The following ABCC11 variants were observed in gnomAD, a reference collection of about 807,000 sequenced individuals.
ABCC11 encodes ATP-binding cassette sub-family C member 11.
Under a neutral mutation model 149.3 loss-of-function variants are expected in ABCC11, and 135 were observed. That is an observed-to-expected ratio of 0.90 (90% CI 0.79 to 1.04). The LOEUF (loss-of-function observed/expected upper bound fraction) is 1.04, where lower values mean the gene tolerates loss of function less well. ABCC11 is among the 50% of genes least tolerant of loss of function. ABCC11 has a pLI of 0.00. For missense variants in ABCC11, 1,680 were observed against 1,722.1 expected, an observed-to-expected ratio of 0.98 and a Z score of 0.43; for synonymous variants, 665 against 671.4, an observed-to-expected ratio of 0.99 and a Z score of 0.15.
chr16:48,196,032 T>C (rs537895251), intron 18 of ABCC11, among the ~76,000 whole-genome samples, 200 bp downstream of exon 18: 2 of 152,254 alleles, frequency 1.3e-5, no homozygotes, highest in Admixed American at 1.3e-4. Flanking sequence ...TGAGTATACA[T>C]GAAAATATAA....
chr16:48,215,133 G>A, intron 8 of ABCC11, 64 bp downstream of exon 8: 2 of 1,590,770 alleles, frequency 1.3e-6, no homozygotes, highest in South Asian at 2.3e-5. Context: ...TCCTCAAGAG[G>A]TGAGAGGGGC....
intron 23 of ABCC11, 98 bp from the exon 24 acceptor site, chr16:48,178,784 T>C: frequency 9.6e-7 from 1 of 1,037,450 alleles, no homozygotes; most frequent in South Asian, 1.4e-5. Flanking sequence ...TGCCCCTGAG[T>C]GACCCCTGAA....
intron 6 of ABCC11, among the ~76,000 whole-genome samples, chr16:48,220,032 C>T (rs750387601): frequency 2.0e-5 from 3 of 152,108 alleles, no homozygotes; most frequent in Non-Finnish European, 4.4e-5. Context: ...AAGCAACTGC[C>T]TAGAAATCCT....
Position 48,178,609 on chromosome 16 carries a change from C to G in ABCC11, c.3336G>C (p.Leu1112=). The G allele has an allele frequency of 6.2e-7, 1 of 1,614,088 alleles. No homozygotes were observed. The highest frequency in any genetic ancestry group is 8.5e-7 in the Non-Finnish European group (1 of 1,179,996). ...ACCTGAACCCCACCTTCATGTACTG[C>G]AGTATCCTCTCTACAGCCGTGAACT... is the stretch of plus-strand genomic sequence containing the variant. ...EAQFTAVERI[L]QYMKMCVSEA... The change falls in exon 24 of 30, where the codon CTG becomes CTC. Residue 1112 remains leucine, a synonymous_variant. Transcript: ENST00000356608.
chr16:48,214,679 C>T (rs892530187), intron 9 of ABCC11, among the ~76,000 whole-genome samples: 6 of 152,212 alleles, frequency 3.9e-5, no homozygotes, highest in African/African-American at 9.7e-5. Context: ...CTGTCCAGCC[C>T]GCCCACAGGG....
chr16:48,173,708 TCCAC>T (rs1369126370), intron 26 of ABCC11, among the ~76,000 whole-genome samples: 1 of 152,162 alleles, frequency 6.6e-6, no homozygotes, highest in African/African-American at 2.4e-5. Flanking sequence ...CACTGCAACC[TCCAC>T]CTCCCGGGCT....
rs962934195 is a variant in ABCC11 at position 48,192,459 on chromosome 16, A to G, written c.2706+61T>C. On this transcript the variant is annotated intron_variant, in intron 20 of 29. Coordinates refer to ENST00000356608, the MANE Select transcript of ABCC11 (RefSeq NM_001370497.1). ...AAAAAATAAAAAAATAAAAAAATAA[A>G]AATGAAGCTGGGCAAGTTCAGAGCT... 12 of 1,539,152 alleles carry G rather than the reference A, an allele frequency of 7.8e-6. No individual in the cohort carries two copies. In the Admixed American group the frequency reaches 2.2e-4, roughly 29 times the overall value.
intron 25 of ABCC11, among the ~76,000 whole-genome samples, chr16:48,176,532 C>T (rs1412412847): frequency 6.6e-6 from 1 of 152,092 alleles, no homozygotes; most frequent in Admixed American, 6.5e-5. Context: ...TTCATCCTGG[C>T]AGTGCCCTGC....
intron 12 of ABCC11, 73 bp from the exon 13 acceptor site, chr16:48,205,610 G>A (rs1170315535): frequency 1.9e-6 from 3 of 1,572,098 alleles, no homozygotes; most frequent in Non-Finnish European, 2.6e-6. Context: ...AGCAGGCACA[G>A]TGCCCAGGGC....
intron 5 of ABCC11, among the ~76,000 whole-genome samples, chr16:48,223,096 G>A (rs150788176): frequency 1.0e-3 from 157 of 152,358 alleles, no homozygotes; most frequent in African/African-American, 3.5e-3. Flanking sequence ...AGTGATTTAG[G>A]CGTTAACAAA....
chr16:48,198,213 A>T lies in ABCC11; in HGVS notation c.2145T>A (p.Thr715=). 5.0e-6 allele frequency: 8 copies of T among 1,614,196 alleles called. No individual in the cohort carries two copies. The East Asian group carries it at 1.8e-4, about 36-fold the overall frequency. ...CCTTTTTCTGCATTAACTCACTGTG[A>T]GTTCCATTTTCACAGATTTTCCCAT... is the stretch of plus-strand genomic sequence containing the variant. The part of the protein sequence containing the change: ...LENGKICENG[T]HSELMQKKGK... Residue 715 remains threonine (T), a synonymous_variant, in exon 16 of 30, where the codon ACT becomes ACA. Coordinates refer to ENST00000356608, the MANE Select transcript of ABCC11 (RefSeq NM_001370497.1).
intron 1 of ABCC11, among the ~76,000 whole-genome samples, chr16:48,239,698 A>C (rs890326325): frequency 6.6e-6 from 1 of 152,196 alleles, no homozygotes; most frequent in African/African-American, 2.4e-5. Flanking sequence ...TAAGCTAAAG[A>C]GCTTCTGCAC....
chr16:48,203,198 A>G, intron 14 of ABCC11, 30 bp downstream of exon 14: 10 of 1,541,710 alleles, frequency 6.5e-6, no homozygotes, highest in Non-Finnish European at 8.8e-6. Context: ...CCAACATTAC[A>G]CAGAGAAGGC....
chr16:48,176,473 G>A (rs1966078702), intron 25 of ABCC11, among the ~76,000 whole-genome samples: 1 of 152,062 alleles, frequency 6.6e-6, no homozygotes, highest in Admixed American at 6.5e-5. Flanking sequence ...CCAGGAAGGG[G>A]GTGGGGAGGG....
chr16:48,209,058 G>A (rs1377747319), intron 11 of ABCC11, among the ~76,000 whole-genome samples: 1 of 152,210 alleles, frequency 6.6e-6, no homozygotes, highest in East Asian at 1.9e-4. Flanking sequence ...AGTGATATGA[G>A]TAAAATGAAG....
chr16:48,194,323 G>A (rs1420239561), intron 18 of ABCC11, among the ~76,000 whole-genome samples: 1 of 152,210 alleles, frequency 6.6e-6, no homozygotes, highest in East Asian at 1.9e-4. Flanking sequence ...CCCAGTGCCT[G>A]GCACAGGGCA....
At chr16:48,214,507 G>A (rs189271829) in intron 9 of ABCC11, among the ~76,000 whole-genome samples, 2 of 152,102 alleles carry the variant, frequency 1.3e-5, no homozygotes, top group Non-Finnish European at 2.9e-5. Context: ...GCCAGGTTCC[G>A]ACCACGAAGG....
chr16:48,183,675 A>G (rs1221609503), intron 23 of ABCC11, among the ~76,000 whole-genome samples: 1 of 152,250 alleles, frequency 6.6e-6, no homozygotes. Context: ...AGGCAGGAGA[A>G]TCAAGTGAAC....
chr16:48,213,485 G>T lies in ABCC11; in HGVS notation c.1314C>A (p.Val438=). Residue 438 remains valine (V), a synonymous_variant, in exon 10 of 30, where the codon GTC becomes GTA. Coordinates refer to ENST00000356608, the MANE Select transcript of ABCC11 (RefSeq NM_001370497.1). The part of the protein sequence containing the change: ...RLSVFFVPIA[V]KGLTNSKSAV... ...CAGACTTGGAATTCGTGAGACCTTT[G>T]ACTGCAATAGGCACAAAGAACACTG... is the stretch of plus-strand genomic sequence containing the variant. 1 of 1,612,294 alleles carries T rather than the reference G, an allele frequency of 6.2e-7. No individual in the cohort carries two copies. The highest frequency in any genetic ancestry group is 1.1e-5 in the South Asian group (1 of 90,620).
Sources: allele counts gnomAD v4.1 joint callset (sites outside exome capture counted in the v4.1 genomes callset), GRCh38; gene constraint gnomAD v4.1.1; transcripts MANE v1.5; gene names NCBI Gene and HGNC (gene_info 2026-07-23, HGNC 2026-07-21).